The following PTGR2 variants were observed in gnomAD, a reference collection of about 807,000 sequenced individuals.
PTGR2 encodes the protein 15-oxoprostaglandin 13-reductase.
In PTGR2, 32 loss-of-function variants were observed where a neutral mutation model predicts 43.4. The observed-to-expected ratio is 0.74, with a 90% confidence interval of 0.56 to 0.99. PTGR2 has a LOEUF of 0.99. Ranked by LOEUF, PTGR2 falls within the 50% of genes least tolerant of loss-of-function variation. The probability of loss-of-function intolerance (pLI) is 0.00; values close to 1 mark genes in which losing one functional copy is unlikely to be tolerated. For missense variants in PTGR2, 373 were observed against 420.0 expected, an observed-to-expected ratio of 0.89 and a Z score of 0.98; for synonymous variants, 106 against 139.2, an observed-to-expected ratio of 0.76 and a Z score of 1.68.
At chr14:73,873,958 T>C in intron 3 of PTGR2, 65 bp from the exon 4 acceptor site, 2 of 1,248,096 alleles carry the variant, frequency 1.6e-6, no homozygotes, top group Non-Finnish European at 2.2e-6. Flanking sequence ...TTTTAGTCAT[T>C]GGGTAAATTA....
chr14:73,858,982 A>T (rs1389076109), intron 2 of PTGR2, 83 bp downstream of exon 2: 3 of 1,089,434 alleles, frequency 2.8e-6, no homozygotes, highest in Non-Finnish European at 4.2e-6. Context: ...TGTGATGTTC[A>T]TGTGGTAAAT....
chr14:73,859,952 G>A (rs1467887703), intron 2 of PTGR2, among the ~76,000 whole-genome samples: 1 of 151,304 alleles, frequency 6.6e-6, no homozygotes, highest in Non-Finnish European at 1.5e-5. Flanking sequence ...GGGTTCAAGC[G>A]ATTCTTCTGC....
At chr14:73,882,006 C>A (rs1197477981) in intron 8 of PTGR2, among the ~76,000 whole-genome samples, 2 of 152,018 alleles carry the variant, frequency 1.3e-5, no homozygotes, top group Non-Finnish European at 2.9e-5. Flanking sequence ...TGGTCTCAAA[C>A]TCCTGACCTC....
chr14:73,879,827 A>G, intron 6 of PTGR2: 1 of 476,442 alleles, frequency 2.1e-6, no homozygotes, highest in South Asian at 2.4e-5. Flanking sequence ...ACAACAACTA[A>G]TGTAATTCTT....
chr14:73,874,712 G>T, intron 4 of PTGR2: 2 of 391,560 alleles, frequency 5.1e-6, no homozygotes, highest in Non-Finnish European at 1.0e-5. Flanking sequence ...AAAGGAATGG[G>T]GCTTGAGGTT....
intron 3 of PTGR2, among the ~76,000 whole-genome samples, chr14:73,865,725 T>C (rs10150552): frequency 0.01 from 1,547 of 151,402 alleles, 27 homozygotes; most frequent in African/African-American, 0.036. Flanking sequence ...GAATATACAG[T>C]CGTGTCAGCA....
chr14:73,856,109 C>A (rs147713496), intron 1 of PTGR2, among the ~76,000 whole-genome samples: 1 of 151,908 alleles, frequency 6.6e-6, no homozygotes, highest in Admixed American at 6.6e-5. Context: ...TTAATAAAGT[C>A]TAAGTAGCCT....
intron 3 of PTGR2, among the ~76,000 whole-genome samples, chr14:73,863,827 G>A (rs772995354): frequency 1.4e-3 from 217 of 152,172 alleles, no homozygotes; most frequent in Admixed American, 2.3e-3. Context: ...TGTTGGCCAG[G>A]CTGGTCTCAA....
chr14:73,866,042 G>A (rs1408891864), intron 3 of PTGR2, among the ~76,000 whole-genome samples: 1 of 149,846 alleles, frequency 6.7e-6, no homozygotes, highest in Non-Finnish European at 1.5e-5. Flanking sequence ...TTGCTCTGTC[G>A]CCAGTCTGGA....
intron 2 of PTGR2, among the ~76,000 whole-genome samples, chr14:73,860,323 C>T (rs541214234): frequency 4.6e-5 from 7 of 151,678 alleles, no homozygotes; most frequent in African/African-American, 9.7e-5. Flanking sequence ...AAAAAGTAGC[C>T]GGGCATGGTG....
At chr14:73,866,263 G>A (rs1273473961) in intron 3 of PTGR2, among the ~76,000 whole-genome samples, 2 of 151,968 alleles carry the variant, frequency 1.3e-5, no homozygotes, top group African/African-American at 2.4e-5. Flanking sequence ...CTCGGCCTCC[G>A]AAAGTGCTGG....
chr14:73,880,836 G>T (rs1366252988), intron 7 of PTGR2, among the ~76,000 whole-genome samples: 20 of 152,044 alleles, frequency 1.3e-4, no homozygotes, highest in Non-Finnish European at 2.9e-5. Flanking sequence ...TCGCTCAGCC[G>T]CCCAGGCTGG....
chr14:73,877,246 G>T, intron 5 of PTGR2, 78 bp downstream of exon 5: 2 of 1,244,098 alleles, frequency 1.6e-6, no homozygotes, highest in Non-Finnish European at 2.2e-6. Flanking sequence ...CCGGATATAT[G>T]TATACCATTA....
chr14:73,853,995 A>G (rs556403557), intron 1 of PTGR2, among the ~76,000 whole-genome samples: 4 of 152,062 alleles, frequency 2.6e-5, no homozygotes, highest in Non-Finnish European at 5.9e-5. Flanking sequence ...CCTACTTGGG[A>G]TGAATTTAAC....
chr14:73,862,622 A>G (rs1161332943), intron 3 of PTGR2, among the ~76,000 whole-genome samples: 2 of 152,230 alleles, frequency 1.3e-5, no homozygotes, highest in African/African-American at 4.8e-5. Context: ...CAATGTACCA[A>G]TGTTAATGTC....
chr14:73,867,088 C>CAAAAAAAAAAAAAA (rs200945001), intron 3 of PTGR2, among the ~76,000 whole-genome samples: 2 of 100,096 alleles, frequency 2.0e-5, no homozygotes, highest in African/African-American at 3.8e-5. Flanking sequence ...GACTCTGTCT[C>CAAAAAAAAAAAAAA]AAAAAAAAAA....
At chr14:73,864,760 G>A (rs2140246318) in intron 3 of PTGR2, among the ~76,000 whole-genome samples, 2 of 152,112 alleles carry the variant, frequency 1.3e-5, no homozygotes, top group South Asian at 4.2e-4. Context: ...TTATTCTCTT[G>A]ATAGTATCCA....
chr14:73,879,988 A>C lies in PTGR2; in HGVS notation c.730-67A>C. ...GGATTAAATAGTCAAGGAGGCTTCC[A>C]TTATGGCAGCCATAAAATCAGTAAA... On this transcript the variant is annotated intron_variant, in intron 6 of 9. Transcript: ENST00000555661. 1.9e-6 allele frequency: 3 copies of C among 1,543,814 alleles called. No homozygotes were observed. The South Asian group carries it at 3.4e-5, about 17-fold the overall frequency.
In PTGR2 at chr14:73,851,859, C is replaced by G. The variant is rs958362493; in HGVS notation, c.-132C>G. On this transcript the variant is annotated 5_prime_UTR_variant, in exon 1 of 10. Coordinates refer to ENST00000555661, the MANE Select transcript of PTGR2 (RefSeq NM_001146154.2). ...CGCCTGCGTACTGCGGTCAGAGGGCCGAGGCCTGGGGGCGAGCTGGGGTCG... is the reference window on the plus strand; with the variant it reads ...CGCCTGCGTACTGCGGTCAGAGGGCGGAGGCCTGGGGGCGAGCTGGGGTCG... 1.3e-5 allele frequency: 2 copies of G among 152,306 alleles called. No homozygotes were observed. The highest frequency in any genetic ancestry group is 2.4e-5 in the African/African-American group (1 of 41,460). 9.4% of individuals were successfully genotyped at this position (152,306 alleles called of 1,614,324 possible). A position where few individuals can be genotyped will look rare whatever the true frequency, so the allele number is the denominator to read the frequency against.
Sources: gnomAD v4.1 joint callset for allele counts (sites outside exome capture counted in the v4.1 genomes callset) on GRCh38, gnomAD v4.1.1 for gene constraint, MANE v1.5 for transcripts, NCBI Gene and HGNC (gene_info 2026-07-23, HGNC 2026-07-21) for gene names.